Variants in CPLX2 observed in about 807,000 individuals in gnomAD.
The protein encoded by CPLX2 is complexin 2, also known as complexin-2.
A neutral mutation model predicts 16.3 loss-of-function variants in CPLX2; 5 were observed. That is an observed-to-expected ratio of 0.31 (90% confidence interval 0.16 to 0.64). The LOEUF is 0.64. Among genes scored for constraint, CPLX2 ranks in the 30% least tolerant of loss-of-function variants. The pLI is 0.79. For synonymous variants in CPLX2, 89 were observed against 73.2 expected (o/e 1.22, Z -1.10); for missense variants, 144 against 181.4 (o/e 0.79, Z 1.18).
intron 2 of CPLX2, chr5:175,837,444 G>A (rs1299514169): frequency 6.6e-6 from 1 of 152,250 alleles, no homozygotes; most frequent in Non-Finnish European, 1.5e-5. Flanking sequence ...TCTGGAAAGT[G>A]TTTTGCACAC....
chr5:175,882,394 C>T lies in CPLX2; in HGVS notation c.*2349C>T, dbSNP rs1439537176. On this transcript the variant is annotated 3_prime_UTR_variant, in exon 4 of 4. Transcript: ENST00000393745. ...AGAGAGGTCCCCCTCTGCCACTTGACAGGGACCTTCAAACCTCGACAGTGA... is the reference window on the plus strand; with the variant it reads ...AGAGAGGTCCCCCTCTGCCACTTGATAGGGACCTTCAAACCTCGACAGTGA... The T allele has an allele frequency of 2.0e-5, 3 of 152,672 alleles. No individual in the cohort carries two copies. Among genetic ancestry groups the T allele is most frequent in the Non-Finnish European group, 4.4e-5 (3 of 68,080 alleles). 9.5% of individuals were successfully genotyped at this position (152,672 alleles called of 1,614,324 possible). A position where few individuals can be genotyped will look rare whatever the true frequency, so the allele number is the denominator to read the frequency against.
At chr5:175,860,554 AAG>A (rs1759350575) in intron 2 of CPLX2, among the ~76,000 whole-genome samples, 3 of 133,370 alleles carry the variant, frequency 2.2e-5, no homozygotes, top group African/African-American at 8.6e-5. Context: ...GATAGAAAGA[AAG>A]AAAGAAAAAG....
chr5:175,844,744 C>T (rs192118926), intron 2 of CPLX2, among the ~76,000 whole-genome samples: 174 of 152,290 alleles, frequency 1.1e-3, no homozygotes, highest in Middle Eastern at 0.01. Flanking sequence ...GTGGAAATAA[C>T]GTGAATGAGT....
At chr5:175,806,616 G>C in intron 1 of CPLX2, among the ~76,000 whole-genome samples, 1 of 151,926 alleles carries the variant, frequency 6.6e-6, no homozygotes, top group Middle Eastern at 3.4e-3. Flanking sequence ...TCAGCCTCCC[G>C]AGTAGCTGGG....
intron 2 of CPLX2, among the ~76,000 whole-genome samples, chr5:175,847,829 C>A (rs1469568748): frequency 1.3e-5 from 2 of 152,316 alleles, no homozygotes; most frequent in African/African-American, 4.8e-5. Flanking sequence ...CTGCCTGGGA[C>A]CCCCAGCCCC....
At chr5:175,835,993 C>T (rs1169971998) in intron 2 of CPLX2, among the ~76,000 whole-genome samples, 2 of 152,050 alleles carry the variant, frequency 1.3e-5, no homozygotes, top group Non-Finnish European at 2.9e-5. Flanking sequence ...TCTGCCTCAG[C>T]CTCACAACAT....
At chr5:175,850,406 C>T (rs1411197692) in intron 2 of CPLX2, among the ~76,000 whole-genome samples, 1 of 152,144 alleles carries the variant, frequency 6.6e-6, no homozygotes, top group Non-Finnish European at 1.5e-5. Context: ...CAGGGAGCCT[C>T]CAGAGGTTCC....
rs146780998 is a variant in CPLX2, at chr5:175,831,121, G to A, written c.-89+22053G>A. Reference sequence around the variant, plus strand: ...GCCTCTGTGTGTGTGTGTGTGTCTCGGTACATCTGAATCTATTTGTTCCTG... The same window carrying A: ...GCCTCTGTGTGTGTGTGTGTGTCTCAGTACATCTGAATCTATTTGTTCCTG... On this transcript the variant is annotated intron_variant, in intron 2 of 4. Coordinates refer to the CPLX2 transcript ENST00000359546. Among the ~76,000 whole-genome samples the A allele has an allele frequency of 2.6e-5, 4 of 151,144 alleles. No homozygotes were observed. In the East Asian group the frequency reaches 5.9e-4, roughly 22 times the overall value.
chr5:175,832,886 G>A (rs1476377785), intron 2 of CPLX2, among the ~76,000 whole-genome samples: 1 of 152,194 alleles, frequency 6.6e-6, no homozygotes, highest in African/African-American at 2.4e-5. Context: ...TGGGCGTGGT[G>A]GCTCATGCCT....
At chr5:175,806,763 G>T (rs1203969257) in intron 1 of CPLX2, among the ~76,000 whole-genome samples, 1 of 151,838 alleles carries the variant, frequency 6.6e-6, no homozygotes, top group Admixed American at 6.6e-5. Context: ...CTCCCAAAGT[G>T]CTGGGATTAC....
intron 2 of CPLX2, among the ~76,000 whole-genome samples, chr5:175,828,353 G>C (rs1355283226): frequency 6.6e-6 from 1 of 152,298 alleles, no homozygotes; most frequent in Non-Finnish European, 1.5e-5. Flanking sequence ...AGACTCGGGG[G>C]CATGTGCTCT....
intron 2 of CPLX2, among the ~76,000 whole-genome samples, chr5:175,856,161 T>C (rs1386214780): frequency 1.3e-5 from 2 of 152,190 alleles, no homozygotes; most frequent in Non-Finnish European, 2.9e-5. Flanking sequence ...TTTCCTAACC[T>C]CTCTCTGCCT....
At chr5:175,847,593 G>A (rs1444432164) in intron 2 of CPLX2, among the ~76,000 whole-genome samples, 1 of 152,218 alleles carries the variant, frequency 6.6e-6, no homozygotes, top group Non-Finnish European at 1.5e-5. Flanking sequence ...GCCTCAGATG[G>A]GCATCTTACT....
At chr5:175,867,215 AT>A (rs1329342412), upstream of CPLX2, among the ~76,000 whole-genome samples, 1 of 152,082 alleles carries the variant, frequency 6.6e-6, no homozygotes, top group Admixed American at 6.6e-5. Context: ...TCTGTGACAC[AT>A]TTTGCCTGCA....
chr5:175,818,546 C>T (rs542041262), intron 2 of CPLX2, among the ~76,000 whole-genome samples: 1 of 151,792 alleles, frequency 6.6e-6, no homozygotes, highest in South Asian at 2.1e-4. Context: ...AACACGCCCA[C>T]GTAACCTTCC....
intron 1 of CPLX2, among the ~76,000 whole-genome samples, chr5:175,873,225 T>C (rs1293606142): frequency 6.6e-6 from 1 of 150,388 alleles, no homozygotes; most frequent in Non-Finnish European, 1.5e-5. Context: ...GGCAACCTGC[T>C]GGACCTCAGC....
intron 1 of CPLX2, among the ~76,000 whole-genome samples, chr5:175,807,244 C>T (rs112404887): frequency 0.01 from 1,575 of 152,332 alleles, 20 homozygotes; most frequent in African/African-American, 0.036. Flanking sequence ...CCAAGTCATC[C>T]CAACATGTGT....
chr5:175,853,707 C>T (rs1404680131), intron 2 of CPLX2, among the ~76,000 whole-genome samples: 2 of 152,182 alleles, frequency 1.3e-5, no homozygotes, highest in African/African-American at 4.8e-5. Context: ...CATCCAAATT[C>T]AAGCCCTTCT....
At chr5:175,865,260 T>C (rs544279673) in intron 2 of CPLX2, among the ~76,000 whole-genome samples, 1 of 152,360 alleles carries the variant, frequency 6.6e-6, no homozygotes, top group East Asian at 1.9e-4. Context: ...AATGTCCTTT[T>C]GAATTCATTT....
Sources: allele counts gnomAD v4.1 joint callset (sites outside exome capture counted in the v4.1 genomes callset), GRCh38; gene constraint gnomAD v4.1.1; transcripts MANE v1.5; gene names NCBI Gene and HGNC (gene_info 2026-07-23, HGNC 2026-07-21).